Variants in NRXN1 observed in about 807,000 individuals in gnomAD.
The protein encoded by NRXN1 is neurexin-1.
NRXN1 carries 39 observed loss-of-function variants against 150.9 expected under a neutral mutation model. The ratio of observed to expected loss-of-function variants is 0.26; its 90% CI spans 0.20 to 0.34. The LOEUF (loss-of-function observed/expected upper bound fraction) is 0.34, where lower values mean the gene tolerates loss of function less well. NRXN1 is among the 10% of genes least tolerant of loss of function. NRXN1 has a pLI of 1.00. For synonymous variants in NRXN1, 924 were observed against 757.0 expected (o/e 1.22, Z -3.62); for missense variants, 1,815 against 1,949.9 (o/e 0.93, Z 1.30).
intron 17 of NRXN1, among the ~76,000 whole-genome samples, chr2:50,257,231 A>T (rs918649759): frequency 6.6e-6 from 1 of 152,046 alleles, no homozygotes; most frequent in Non-Finnish European, 1.5e-5. Flanking sequence ...CCGATAATCT[A>T]TTACCTTTTT....
chr2:50,179,903 G>C lies in NRXN1; in HGVS notation c.3546+56886C>G, dbSNP rs569059410. 2.6e-5 allele frequency among the ~76,000 whole-genome samples: 4 copies of C among 151,918 alleles called. No homozygotes were observed. In the East Asian group the frequency reaches 5.8e-4, roughly 22 times the overall value. ...TTTCCTATACTGCCTACAAATAATC[G>C]GTTTGATTTTTCATACCACGATTTT... On this transcript the variant is annotated intron_variant, in intron 18 of 22. Coordinates refer to ENST00000401669, the MANE Select transcript of NRXN1 (RefSeq NM_001330078.2).
intron 17 of NRXN1, among the ~76,000 whole-genome samples, chr2:50,416,831 C>T (rs1417956127): frequency 6.6e-6 from 1 of 152,124 alleles, no homozygotes; most frequent in Non-Finnish European, 1.5e-5. Context: ...CACCAGGTCC[C>T]TTCCACGACC....
chr2:50,076,652 A>G (rs1697145229), intron 19 of NRXN1, among the ~76,000 whole-genome samples: 2 of 152,260 alleles, frequency 1.3e-5, no homozygotes, highest in South Asian at 2.1e-4. Context: ...ACTTGCATTA[A>G]GTTTGTAGCA....
At chr2:50,161,175 C>T (rs1315904838) in intron 18 of NRXN1, among the ~76,000 whole-genome samples, 1 of 152,134 alleles carries the variant, frequency 6.6e-6, no homozygotes, top group Admixed American at 6.6e-5. Context: ...ATCACCACCA[C>T]CCAACACCCA....
At chr2:50,056,522 TG>T (rs1420084691) in intron 19 of NRXN1, among the ~76,000 whole-genome samples, 1 of 152,136 alleles carries the variant, frequency 6.6e-6, no homozygotes, top group Admixed American at 6.6e-5. Context: ...ACTAAAACAT[TG>T]TAAAATAATA....
chr2:50,829,427 T>C, intron 5 of NRXN1: 2 of 1,469,264 alleles, frequency 1.4e-6, no homozygotes, highest in South Asian at 1.2e-5. Flanking sequence ...TGTGCCCGGC[T>C]AACTCAGGAT....
At chr2:50,697,217 T>A (rs896034672) in intron 5 of NRXN1, among the ~76,000 whole-genome samples, 3 of 152,200 alleles carry the variant, frequency 2.0e-5, no homozygotes, top group Non-Finnish European at 2.9e-5. Flanking sequence ...TTAGCTTGTA[T>A]AAATAAACTT....
chr2:50,852,035 G>T (rs1173837966), intron 5 of NRXN1, among the ~76,000 whole-genome samples: 1 of 152,160 alleles, frequency 6.6e-6, no homozygotes, highest in Non-Finnish European at 1.5e-5. Flanking sequence ...TGCTAGCAAT[G>T]ATCTGAAAGG....
intron 19 of NRXN1, among the ~76,000 whole-genome samples, chr2:50,082,423 GGAAATTTTAT>G (rs1698106992): frequency 6.6e-6 from 1 of 152,038 alleles, no homozygotes; most frequent in Non-Finnish European, 1.5e-5. Context: ...AGTTAAAGGG[GGAAATTTTAT>G]GAAATTTTAT....
At chr2:50,269,449 C>T (rs538619710) in intron 17 of NRXN1, among the ~76,000 whole-genome samples, 63 of 152,318 alleles carry the variant, frequency 4.1e-4, no homozygotes, top group East Asian at 1.2e-3. Flanking sequence ...CGTATTTACA[C>T]AGATTCCTTT....
chr2:50,283,325 C>G (rs1349287334), intron 17 of NRXN1, among the ~76,000 whole-genome samples: 1 of 152,190 alleles, frequency 6.6e-6, no homozygotes, highest in Non-Finnish European at 1.5e-5. Context: ...AAACTACCAT[C>G]TCTGAAGATG....
chr2:50,193,914 T>C (rs922473105), intron 18 of NRXN1, among the ~76,000 whole-genome samples: 3 of 152,200 alleles, frequency 2.0e-5, no homozygotes, highest in Non-Finnish European at 4.4e-5. Flanking sequence ...TCCTACACTG[T>C]TGATAATGAC....
In NRXN1 at chr2:50,325,162, G is replaced by A. The variant is rs553737394; in HGVS notation, c.3365-88192C>T. Among the ~76,000 whole-genome samples the A allele has an allele frequency of 1.4e-4, 22 of 152,294 alleles. No homozygotes were observed. The South Asian group carries it at 4.3e-3, about 30-fold the overall frequency. The stretch of plus-strand genomic sequence containing the variant: ...AAGAAGAAACTGAGAAAGAAGAAGA[G>A]GATGGAACAATCAGAATGGATGAAA... On this transcript the variant is annotated intron_variant, in intron 17 of 22. Coordinates refer to ENST00000401669, the MANE Select transcript of NRXN1 (RefSeq NM_001330078.2).
chr2:50,973,319 G>A (rs897734726), intron 2 of NRXN1, among the ~76,000 whole-genome samples: 1 of 152,172 alleles, frequency 6.6e-6, no homozygotes, highest in African/African-American at 2.4e-5. Flanking sequence ...GAGAGGTGCA[G>A]AGACATACAT....
At chr2:50,959,397 A>C (rs1179831041) in intron 2 of NRXN1, among the ~76,000 whole-genome samples, 2 of 152,116 alleles carry the variant, frequency 1.3e-5, no homozygotes, top group African/African-American at 2.4e-5. Context: ...AATATGCTAT[A>C]TTCACAAAGT....
intron 17 of NRXN1, among the ~76,000 whole-genome samples, chr2:50,452,170 C>T (rs183473089): frequency 6.1e-4 from 93 of 152,272 alleles, no homozygotes; most frequent in African/African-American, 2.1e-3. Flanking sequence ...AGTTTCCTTG[C>T]TGAAAAGAGG....
At chr2:50,468,319 T>C (rs887300859) in intron 16 of NRXN1, among the ~76,000 whole-genome samples, 4 of 151,652 alleles carry the variant, frequency 2.6e-5, no homozygotes, top group African/African-American at 9.7e-5. Context: ...CAAGCTTCTA[T>C]GTAAGCATAC....
intron 18 of NRXN1, among the ~76,000 whole-genome samples, chr2:50,208,295 G>A (rs955066525): frequency 6.6e-6 from 1 of 152,074 alleles, no homozygotes; most frequent in Non-Finnish European, 1.5e-5. Flanking sequence ...GATGTCCAAT[G>A]TATCAATGAG....
intron 21 of NRXN1, among the ~76,000 whole-genome samples, chr2:50,050,443 T>C (rs1402981529): frequency 1.3e-5 from 2 of 152,026 alleles, no homozygotes; most frequent in Non-Finnish European, 2.9e-5. Context: ...TGGCTCAGTG[T>C]TATCACTGAG....
Sources: allele counts gnomAD v4.1 joint callset (sites outside exome capture counted in the v4.1 genomes callset), GRCh38; gene constraint gnomAD v4.1.1; transcripts MANE v1.5; gene names NCBI Gene and HGNC (gene_info 2026-07-23, HGNC 2026-07-21).